SLC24A2: variants seen among roughly 807,000 people sequenced by gnomAD.
SLC24A2 encodes sodium/potassium/calcium exchanger 2.
In SLC24A2, 36 loss-of-function variants were observed where a neutral mutation model predicts 62.0. The observed-to-expected ratio is 0.58, with a 90% CI of 0.44 to 0.77. The LOEUF (loss-of-function observed/expected upper bound fraction) is 0.77. Among genes scored for constraint, SLC24A2 ranks in the 30% least tolerant of loss-of-function variants. SLC24A2 has a pLI of 0.00. For synonymous variants in SLC24A2, 358 were observed against 294.0 expected (o/e 1.22, Z -2.23); for missense variants, 846 against 817.9 (o/e 1.03, Z -0.42).
At chr9:19,565,922 C>T (rs1018944119) in intron 7 of SLC24A2, among the ~76,000 whole-genome samples, 1 of 150,292 alleles carries the variant, frequency 6.7e-6, no homozygotes, top group African/African-American at 2.5e-5. Context: ...ATATAGAAAG[C>T]TGAAACTGGA....
At chr9:20,235,158 G>A in the SLC24A2 span, among the ~76,000 whole-genome samples, 1 of 152,220 alleles carries the variant, frequency 6.6e-6, no homozygotes, top group Non-Finnish European at 1.5e-5. Flanking sequence ...CTCCCAGTTA[G>A]GCTACTCGGG....
At chr9:20,037,543 T>G in the SLC24A2 span, among the ~76,000 whole-genome samples, 672 of 152,354 alleles carry the variant, frequency 4.4e-3, 4 homozygotes, top group Non-Finnish European at 7.3e-3. Flanking sequence ...GGGTAAATAC[T>G]CAGAAGTGAG....
chr9:19,799,388 T>C, the SLC24A2 span, among the ~76,000 whole-genome samples: 2 of 152,230 alleles, frequency 1.3e-5, no homozygotes, highest in African/African-American at 4.8e-5. Flanking sequence ...GATGTTTCTT[T>C]CAACGCCTGC....
chr9:19,834,013 G>T, the SLC24A2 span, among the ~76,000 whole-genome samples: 2 of 152,146 alleles, frequency 1.3e-5, no homozygotes, highest in Admixed American at 1.3e-4. Flanking sequence ...GCAGCTGAGG[G>T]TCCTGACTAT....
At chr9:19,617,239 G>A (rs910114476) in intron 4 of SLC24A2, among the ~76,000 whole-genome samples, 1 of 152,164 alleles carries the variant, frequency 6.6e-6, no homozygotes, top group African/African-American at 2.4e-5. Flanking sequence ...CCCCCTGTGA[G>A]AATCTAATGC....
chr9:19,560,908 TATATATATAGAGAG>T (rs1171499668), intron 7 of SLC24A2, among the ~76,000 whole-genome samples: 29 of 58,858 alleles, frequency 4.9e-4, no homozygotes, highest in African/African-American at 2.0e-3. Flanking sequence ...TATATATATA[TATATATATAGAGAG>T]AGAGAGAGAG....
chr9:20,057,088 A>G, the SLC24A2 span, among the ~76,000 whole-genome samples: 1 of 152,166 alleles, frequency 6.6e-6, no homozygotes, highest in African/African-American at 2.4e-5. Context: ...TTGAACCCCA[A>G]GTGGGTATAT....
At chr9:19,854,417 T>G in the SLC24A2 span, among the ~76,000 whole-genome samples, 3 of 152,188 alleles carry the variant, frequency 2.0e-5, no homozygotes, top group Non-Finnish European at 4.4e-5. Context: ...TCTGGCTTTT[T>G]TTACATGAGC....
At chr9:19,742,717 G>A (rs1466853379) in intron 2 of SLC24A2, among the ~76,000 whole-genome samples, 1 of 152,062 alleles carries the variant, frequency 6.6e-6, no homozygotes, top group Non-Finnish European at 1.5e-5. Context: ...CCTTCTTCAG[G>A]AACAAGGCCA....
chr9:20,063,940 C>T, the SLC24A2 span, among the ~76,000 whole-genome samples: 3 of 152,128 alleles, frequency 2.0e-5, no homozygotes, highest in Admixed American at 6.5e-5. Context: ...AAAAGTTACA[C>T]GTAAACTTAC....
chr9:19,989,266 C>T, the SLC24A2 span, among the ~76,000 whole-genome samples: 1 of 152,028 alleles, frequency 6.6e-6, no homozygotes, highest in Non-Finnish European at 1.5e-5. Flanking sequence ...TCACTAAGTA[C>T]CTTGGAAGAG....
chr9:19,801,038 G>A, the SLC24A2 span, among the ~76,000 whole-genome samples: 2 of 152,208 alleles, frequency 1.3e-5, no homozygotes, highest in African/African-American at 4.8e-5. Context: ...CAAAAGTATT[G>A]TTACCAGGGG....
chr9:20,162,927 A>C, the SLC24A2 span, among the ~76,000 whole-genome samples: 1 of 152,146 alleles, frequency 6.6e-6, no homozygotes, highest in African/African-American at 2.4e-5. Context: ...ATAAAATTTA[A>C]CAACTCTTCA....
chr9:20,114,774 C>T, the SLC24A2 span, among the ~76,000 whole-genome samples: 1 of 152,096 alleles, frequency 6.6e-6, no homozygotes, highest in Non-Finnish European at 1.5e-5. Flanking sequence ...TTTGAGGAAC[C>T]AGGATATGGC....
the SLC24A2 span, among the ~76,000 whole-genome samples, chr9:20,227,044 T>C: frequency 6.6e-6 from 1 of 152,168 alleles, no homozygotes; most frequent in African/African-American, 2.4e-5. Flanking sequence ...ATTCTCTAAA[T>C]CCAAACACTG....
the SLC24A2 span, among the ~76,000 whole-genome samples, chr9:19,814,820 C>G: frequency 6.6e-6 from 1 of 152,096 alleles, no homozygotes; most frequent in Non-Finnish European, 1.5e-5. Flanking sequence ...AAAAATGAAT[C>G]CTGTTTAGAA....
At chr9:20,173,560 A>G in the SLC24A2 span, among the ~76,000 whole-genome samples, 1 of 152,118 alleles carries the variant, frequency 6.6e-6, no homozygotes, top group Non-Finnish European at 1.5e-5. Context: ...GAATCAAATT[A>G]AGAACTCAAC....
At chr9:20,165,865 G>A in the SLC24A2 span, among the ~76,000 whole-genome samples, 1 of 151,800 alleles carries the variant, frequency 6.6e-6, no homozygotes, top group Non-Finnish European at 1.5e-5. Flanking sequence ...CAAATTGGTA[G>A]CAACATTTGC....
chr9:20,169,513 G>A, the SLC24A2 span, among the ~76,000 whole-genome samples: 7 of 152,012 alleles, frequency 4.6e-5, no homozygotes, highest in African/African-American at 1.7e-4. Flanking sequence ...AGAACTTTGT[G>A]CAGACAACCC....
Sources: allele counts gnomAD v4.1 joint callset (sites outside exome capture counted in the v4.1 genomes callset), GRCh38; gene constraint gnomAD v4.1.1; transcripts MANE v1.5; gene names NCBI Gene and HGNC (gene_info 2026-07-23, HGNC 2026-07-21).